Variants in NLGN1 observed in about 807,000 individuals in gnomAD.
NLGN1 encodes neuroligin 1, also known as neuroligin-1.
In NLGN1, 12 loss-of-function variants were observed where a neutral mutation model predicts 65.5. The ratio of observed to expected loss-of-function variants is 0.18; its 90% CI spans 0.12 to 0.30. The LOEUF is 0.30. Ranked by LOEUF, NLGN1 falls within the 10% of genes least tolerant of loss-of-function variation. The pLI is 1.00. For synonymous variants in NLGN1, 350 were observed against 359.5 expected (o/e 0.97, Z 0.30); for missense variants, 750 against 1,007.1 (o/e 0.74, Z 3.46).
At chr3:173,720,342 TCA>T (rs1770626092) in intron 3 of NLGN1, among the ~76,000 whole-genome samples, 1 of 152,194 alleles carries the variant, frequency 6.6e-6, no homozygotes. Context: ...AAAATAAGTT[TCA>T]TTTTTCCCTT....
intron 4 of NLGN1, among the ~76,000 whole-genome samples, chr3:174,047,335 C>T (rs969336971): frequency 6.6e-6 from 1 of 151,938 alleles, no homozygotes; most frequent in African/African-American, 2.4e-5. Flanking sequence ...GATTACATAT[C>T]TATTCTACCT....
chr3:174,129,685 G>T (rs543674633), intron 4 of NLGN1, among the ~76,000 whole-genome samples: 2 of 152,264 alleles, frequency 1.3e-5, no homozygotes, highest in East Asian at 3.9e-4. Flanking sequence ...TAAGCCTAGG[G>T]CTGGGAATTA....
At chr3:174,177,589 G>C (rs1299497888) in intron 4 of NLGN1, among the ~76,000 whole-genome samples, 2 of 152,002 alleles carry the variant, frequency 1.3e-5, no homozygotes, top group Admixed American at 1.3e-4. Flanking sequence ...TTATGGAATA[G>C]AGTTCTTTTC....
At chr3:173,572,167 C>A (rs1173593004) in intron 2 of NLGN1, among the ~76,000 whole-genome samples, 2 of 152,130 alleles carry the variant, frequency 1.3e-5, no homozygotes, top group Non-Finnish European at 2.9e-5. Flanking sequence ...GTTCTTAACC[C>A]AGGCTGCATG....
chr3:173,409,168 A>G (rs954765248), intron 1 of NLGN1, among the ~76,000 whole-genome samples: 2 of 152,162 alleles, frequency 1.3e-5, no homozygotes, highest in Non-Finnish European at 2.9e-5. Flanking sequence ...ATAATTTGTT[A>G]GAGTGTTAGA....
chr3:174,215,011 G>A (rs1737343501), intron 4 of NLGN1, among the ~76,000 whole-genome samples: 9 of 152,098 alleles, frequency 5.9e-5, no homozygotes, highest in Admixed American at 5.9e-4. Flanking sequence ...AACAGTTTCT[G>A]CCACACTTAT....
At chr3:173,632,034 T>G (rs879319311) in intron 3 of NLGN1, among the ~76,000 whole-genome samples, 1 of 152,132 alleles carries the variant, frequency 6.6e-6, no homozygotes, top group Non-Finnish European at 1.5e-5. Flanking sequence ...CTGCCGTAAC[T>G]TTAAATCTAG....
intron 4 of NLGN1, among the ~76,000 whole-genome samples, chr3:173,888,836 A>C (rs575680692): frequency 6.6e-6 from 1 of 152,220 alleles, no homozygotes; most frequent in South Asian, 2.1e-4. Context: ...ATGAAAGCTC[A>C]GAGGTTTTCA....
At chr3:174,003,074 T>C (rs2152429845) in intron 4 of NLGN1, among the ~76,000 whole-genome samples, 1 of 151,970 alleles carries the variant, frequency 6.6e-6, no homozygotes. Context: ...TGGCAATGAG[T>C]TAACTAGAAA....
At chr3:174,150,784 C>T (rs1334863521) in intron 4 of NLGN1, among the ~76,000 whole-genome samples, 1 of 151,852 alleles carries the variant, frequency 6.6e-6, no homozygotes, top group African/African-American at 2.4e-5. Flanking sequence ...AGTAGAAAGC[C>T]GTAATGTTGG....
intron 4 of NLGN1, among the ~76,000 whole-genome samples, chr3:173,854,185 T>C (rs1727513509): frequency 6.6e-6 from 1 of 152,054 alleles, no homozygotes; most frequent in Admixed American, 6.6e-5. Flanking sequence ...ATAATTCAAA[T>C]ACCCATTTTC....
At chr3:173,844,891 T>C (rs1423083726) in intron 4 of NLGN1, among the ~76,000 whole-genome samples, 1 of 152,216 alleles carries the variant, frequency 6.6e-6, no homozygotes, top group African/African-American at 2.4e-5. Context: ...TATTTTAAAA[T>C]AACCAGCCAT....
intron 2 of NLGN1, among the ~76,000 whole-genome samples, chr3:173,578,003 G>A (rs758136089): frequency 6.6e-6 from 1 of 152,156 alleles, no homozygotes; most frequent in Non-Finnish European, 1.5e-5. Context: ...TTGGGAGGCT[G>A]AGGCAGGTGG....
At chr3:174,015,844 A>C (rs1461067622) in intron 4 of NLGN1, among the ~76,000 whole-genome samples, 1 of 152,210 alleles carries the variant, frequency 6.6e-6, no homozygotes, top group African/African-American at 2.4e-5. Context: ...ACATGGGCAC[A>C]AACCACGAAA....
chr3:173,497,395 A>T (rs1318531828), intron 2 of NLGN1, among the ~76,000 whole-genome samples: 1 of 37,994 alleles, frequency 2.6e-5, no homozygotes, highest in Admixed American at 5.9e-4. Context: ...TCTCAAAATA[A>T]ATAAATAAAT....
At chr3:173,784,181 G>A (rs1781607635) in intron 3 of NLGN1, among the ~76,000 whole-genome samples, 1 of 152,074 alleles carries the variant, frequency 6.6e-6, no homozygotes, top group Non-Finnish European at 1.5e-5. Flanking sequence ...ATTTTCACTT[G>A]AGGAAATAAG....
downstream of NLGN1, among the ~76,000 whole-genome samples, chr3:174,287,799 T>C (rs192016113): frequency 7.5e-4 from 114 of 151,532 alleles, no homozygotes; most frequent in Admixed American, 2.7e-3. Flanking sequence ...CTATTACTAG[T>C]TATGACCTCT....
At chr3:174,164,208 T>C (rs1727101555) in intron 4 of NLGN1, among the ~76,000 whole-genome samples, 3 of 152,094 alleles carry the variant, frequency 2.0e-5, no homozygotes, top group African/African-American at 4.8e-5. Flanking sequence ...GATAATTTTG[T>C]ACGTGTTTGT....
At chr3:173,959,022 G>C (rs890203480) in intron 4 of NLGN1, among the ~76,000 whole-genome samples, 2 of 152,234 alleles carry the variant, frequency 1.3e-5, no homozygotes, top group African/African-American at 4.8e-5. Flanking sequence ...GGCAGTGGAA[G>C]CAGGCACTTT....
Sources: gnomAD v4.1 joint callset for allele counts (sites outside exome capture counted in the v4.1 genomes callset) on GRCh38, gnomAD v4.1.1 for gene constraint, MANE v1.5 for transcripts, NCBI Gene and HGNC (gene_info 2026-07-23, HGNC 2026-07-21) for gene names.